The following RPS6KC1 variants were observed in gnomAD, a reference collection of about 807,000 sequenced individuals.
RPS6KC1 encodes ribosomal protein S6 kinase C1.
Under a neutral mutation model 103.8 loss-of-function variants are expected in RPS6KC1, and 54 were observed. That is an observed-to-expected ratio of 0.52 (90% CI 0.42 to 0.65). The LOEUF (loss-of-function observed/expected upper bound fraction) is 0.65. RPS6KC1 is among the 30% of genes least tolerant of loss of function. RPS6KC1 has a pLI of 0.00. For synonymous variants in RPS6KC1, 439 were observed against 438.7 expected, an observed-to-expected ratio of 1.00 and a Z score of -0.01; for missense variants, 1,151 against 1,253.8, an observed-to-expected ratio of 0.92 and a Z score of 1.24.
intron 5 of RPS6KC1, among the ~76,000 whole-genome samples, chr1:213,119,665 G>A (rs1477203392): frequency 6.6e-6 from 1 of 151,426 alleles, no homozygotes; most frequent in African/African-American, 2.4e-5. Context: ...GTGAAAGAAC[G>A]GTATCTTAGG....
At chr1:213,583,852 A>C in the RPS6KC1 span, among the ~76,000 whole-genome samples, 1 of 144,496 alleles carries the variant, frequency 6.9e-6, no homozygotes, top group Non-Finnish European at 1.5e-5. Flanking sequence ...AAAAGAAAAA[A>C]AAAGAAAAAA....
chr1:213,242,047 A>G lies in RPS6KC1; in HGVS notation c.2571A>G (p.Glu857=), dbSNP rs747446297. The G allele has an allele frequency of 9.3e-6, 15 of 1,614,078 alleles. No individual in the cohort carries two copies. Among genetic ancestry groups the G allele is most frequent in the Non-Finnish European group, 1.1e-5 (13 of 1,179,960 alleles). Residue 857 remains glutamate, a synonymous_variant, in exon 11 of 15, where the codon GAA becomes GAG. Coordinates refer to ENST00000366960, the MANE Select transcript of RPS6KC1 (RefSeq NM_012424.6). ...AGACTGATGATTTGGCTAAAGAGGAACCAACTTCTTTATTCCAGAGAGACT... is the reference window on the plus strand; with the variant it reads ...AGACTGATGATTTGGCTAAAGAGGAGCCAACTTCTTTATTCCAGAGAGACT... ...TDQTDDLAKE[E]PTSLFQRDSE... is the part of the protein sequence containing the mutation.
the RPS6KC1 span, among the ~76,000 whole-genome samples, chr1:213,628,462 C>A: frequency 6.6e-6 from 1 of 152,002 alleles, no homozygotes; most frequent in Non-Finnish European, 1.5e-5. Context: ...CTTCTGCTAG[C>A]TTTTGTCTTT....
At chr1:213,763,606 T>A in the RPS6KC1 span, among the ~76,000 whole-genome samples, 1 of 152,082 alleles carries the variant, frequency 6.6e-6, no homozygotes, top group Admixed American at 6.5e-5. Flanking sequence ...TTCAGGGTAA[T>A]AAAGAAGAAA....
At chr1:213,605,622 T>C in the RPS6KC1 span, among the ~76,000 whole-genome samples, 1 of 152,198 alleles carries the variant, frequency 6.6e-6, no homozygotes, top group Non-Finnish European at 1.5e-5. Flanking sequence ...TGTAACCCCA[T>C]GAGGGCAGGG....
chr1:213,703,734 C>T, the RPS6KC1 span, among the ~76,000 whole-genome samples: 1 of 152,104 alleles, frequency 6.6e-6, no homozygotes, highest in Non-Finnish European at 1.5e-5. Flanking sequence ...TTTCTTTTCT[C>T]TTGCTGCTTT....
At chr1:213,541,907 C>T in the RPS6KC1 span, among the ~76,000 whole-genome samples, 9 of 152,166 alleles carry the variant, frequency 5.9e-5, no homozygotes, top group Admixed American at 2.0e-4. Context: ...AGCAGGGAAT[C>T]TCCAGTTTTG....
At chr1:213,652,165 A>C in the RPS6KC1 span, among the ~76,000 whole-genome samples, 2 of 152,200 alleles carry the variant, frequency 1.3e-5, no homozygotes, top group African/African-American at 4.8e-5. Flanking sequence ...TCTTTTCGAT[A>C]GACTGGATTA....
chr1:213,585,708 G>A, the RPS6KC1 span, among the ~76,000 whole-genome samples: 13 of 152,260 alleles, frequency 8.5e-5, no homozygotes, highest in South Asian at 8.3e-4. Flanking sequence ...TGAATGGGGT[G>A]TCTCTCCTCC....
At chr1:213,754,493 G>A in the RPS6KC1 span, among the ~76,000 whole-genome samples, 3 of 152,170 alleles carry the variant, frequency 2.0e-5, no homozygotes, top group East Asian at 5.8e-4. Context: ...CTCACAAGTG[G>A]TTTATGTGTT....
the RPS6KC1 span, among the ~76,000 whole-genome samples, chr1:213,830,797 C>A: frequency 2.0e-5 from 3 of 151,930 alleles, no homozygotes; most frequent in Non-Finnish European, 4.4e-5. Flanking sequence ...TTACTTTATA[C>A]ACAAAAATCC....
intron 7 of RPS6KC1, among the ~76,000 whole-genome samples, chr1:213,174,436 G>A (rs1299205586): frequency 6.6e-6 from 1 of 152,242 alleles, no homozygotes; most frequent in African/African-American, 2.4e-5. Context: ...TTCGGAGGAC[G>A]AGGTGGGTGG....
intron 8 of RPS6KC1, among the ~76,000 whole-genome samples, chr1:213,213,524 G>C (rs1391650454): frequency 6.6e-6 from 1 of 152,144 alleles, no homozygotes; most frequent in Non-Finnish European, 1.5e-5. Flanking sequence ...TATTGTGTTA[G>C]CTATTCTGGG....
the RPS6KC1 span, among the ~76,000 whole-genome samples, chr1:213,637,728 C>T: frequency 6.6e-6 from 1 of 152,118 alleles, no homozygotes; most frequent in Non-Finnish European, 1.5e-5. Flanking sequence ...TCTGTATCCT[C>T]ACCACCTAGC....
At chr1:213,730,028 G>T in the RPS6KC1 span, among the ~76,000 whole-genome samples, 1 of 152,052 alleles carries the variant, frequency 6.6e-6, no homozygotes, top group Non-Finnish European at 1.5e-5. Flanking sequence ...TGCTGTGTTC[G>T]ATTTTCTCTT....
At chr1:213,211,960 A>G (rs2093518623) in intron 8 of RPS6KC1, among the ~76,000 whole-genome samples, 1 of 152,072 alleles carries the variant, frequency 6.6e-6, no homozygotes, top group African/African-American at 2.4e-5. Context: ...AGCAAAATTG[A>G]GAGAGAGACA....
At chr1:213,395,855 A>C in the RPS6KC1 span, among the ~76,000 whole-genome samples, 31 of 152,296 alleles carry the variant, frequency 2.0e-4, no homozygotes, top group Admixed American at 1.4e-3. Context: ...ACCAACACTC[A>C]AACATTTCAG....
the RPS6KC1 span, among the ~76,000 whole-genome samples, chr1:213,537,074 C>G: frequency 6.6e-6 from 1 of 152,138 alleles, no homozygotes; most frequent in Non-Finnish European, 1.5e-5. Context: ...AAAGAGCATG[C>G]AATTTATATA....
chr1:213,774,266 G>A, the RPS6KC1 span, among the ~76,000 whole-genome samples: 1 of 152,200 alleles, frequency 6.6e-6, no homozygotes, highest in Non-Finnish European at 1.5e-5. Flanking sequence ...TATTTGGAGA[G>A]AGGAGAGTTT....
Sources: gnomAD v4.1 joint callset for allele counts (sites outside exome capture counted in the v4.1 genomes callset) on GRCh38, gnomAD v4.1.1 for gene constraint, MANE v1.5 for transcripts, NCBI Gene and HGNC (gene_info 2026-07-23, HGNC 2026-07-21) for gene names.